Variants in MEGF6 observed in about 807,000 individuals in gnomAD.
MEGF6 encodes multiple epidermal growth factor-like domains protein 6.
MEGF6 carries 184 observed loss-of-function variants against 207.1 expected under a neutral mutation model. The observed-to-expected ratio is 0.89, with a 90% CI of 0.79 to 1.00. The LOEUF is 1.00. Among genes scored for constraint, MEGF6 ranks in the 50% least tolerant of loss-of-function variants. The probability of loss-of-function intolerance (pLI) is 0.00; values close to 1 mark genes in which losing one functional copy is unlikely to be tolerated. For missense variants in MEGF6, 2,282 were observed against 2,202.9 expected (o/e 1.04, Z -0.72); for synonymous variants, 1,038 against 910.0 (o/e 1.14, Z -2.53).
intron 5 of MEGF6, among the ~76,000 whole-genome samples, chr1:3,521,718 C>T (rs182090251): frequency 1.9e-3 from 290 of 152,288 alleles, no homozygotes; most frequent in African/African-American, 6.7e-3. Context: ...TGGAAACTCC[C>T]GGGAGACCGA....
chr1:3,496,118 C>T (rs1640595099), intron 29 of MEGF6, 100 bp from the exon 30 acceptor site: 2 of 1,415,044 alleles, frequency 1.4e-6, no homozygotes, highest in African/African-American at 1.5e-5. Flanking sequence ...GGTGAGGGGA[C>T]CCTGGGTCTG....
intron 4 of MEGF6, among the ~76,000 whole-genome samples, chr1:3,578,034 G>A (rs1643690675): frequency 6.6e-6 from 1 of 152,232 alleles, no homozygotes; most frequent in Non-Finnish European, 1.5e-5. Flanking sequence ...ACAAAGATGA[G>A]GTGGGAGGAG....
intron 5 of MEGF6, among the ~76,000 whole-genome samples, chr1:3,522,714 C>A (rs902330878): frequency 6.6e-6 from 1 of 151,950 alleles, no homozygotes; most frequent in East Asian, 1.9e-4. Context: ...TGTCCCAAGG[C>A]CCCCCCACTC....
chr1:3,531,545 G>T, intron 4 of MEGF6: 2 of 1,002,596 alleles, frequency 2.0e-6, no homozygotes, highest in Non-Finnish European at 2.4e-6. Context: ...CTCCCCCAGG[G>T]GGCCGCGCCG....
chr1:3,545,863 C>G (rs780933662), intron 4 of MEGF6, among the ~76,000 whole-genome samples: 1 of 152,254 alleles, frequency 6.6e-6, no homozygotes, highest in South Asian at 2.1e-4. Flanking sequence ...GAGGAGCACA[C>G]AGAATCTGTT....
intron 14 of MEGF6, among the ~76,000 whole-genome samples, chr1:3,506,639 G>T (rs1301135931): frequency 1.3e-5 from 2 of 152,200 alleles, no homozygotes; most frequent in African/African-American, 4.8e-5. Flanking sequence ...CCAAGCCGCA[G>T]GTGGCCCCAG....
intron 34 of MEGF6, chr1:3,493,008 G>A: frequency 3.6e-6 from 2 of 562,098 alleles, no homozygotes; most frequent in Non-Finnish European, 6.3e-6. Context: ...CCAGGCCCCA[G>A]GCACACGTCC....
intron 4 of MEGF6, among the ~76,000 whole-genome samples, chr1:3,543,463 C>T (rs1642595519): frequency 6.6e-6 from 1 of 152,260 alleles, no homozygotes; most frequent in Non-Finnish European, 1.5e-5. Flanking sequence ...GGCAGAGGGA[C>T]AGAGAAAACA....
At chr1:3,581,040 C>T (rs1479444314) in intron 3 of MEGF6, among the ~76,000 whole-genome samples, 2 of 152,142 alleles carry the variant, frequency 1.3e-5, no homozygotes, top group Non-Finnish European at 2.9e-5. Context: ...GTCTAAGCAG[C>T]CCCAGACCAG....
At chr1:3,583,098 G>A (rs564568058) in intron 3 of MEGF6, among the ~76,000 whole-genome samples, 47 of 152,332 alleles carry the variant, frequency 3.1e-4, no homozygotes, top group African/African-American at 1.1e-3. Flanking sequence ...AGGGTGCAAG[G>A]GGACGGAGGA....
At chr1:3,511,108 T>C (rs1251409392) in intron 9 of MEGF6, among the ~76,000 whole-genome samples, 1 of 152,206 alleles carries the variant, frequency 6.6e-6, no homozygotes, top group Admixed American at 6.5e-5. Flanking sequence ...CACATGCACG[T>C]TCCTGGTCCC....
Position 3,492,758 on chromosome 1 carries a change from C to A in MEGF6, c.4397G>T (p.Arg1466Met). 6.2e-7 allele frequency: 1 copy of A among 1,611,556 alleles called. No individual in the cohort carries two copies. Among genetic ancestry groups the A allele is most frequent in the Non-Finnish European group, 8.5e-7 (1 of 1,179,178 alleles). Residue 1466 changes from arginine to methionine, a missense_variant, in exon 35 of 37, where the codon AGG becomes ATG. Physicochemically the swap from Arg to Met is moderately conservative, Grantham distance 91. Coordinates refer to ENST00000356575, the MANE Select transcript of MEGF6 (RefSeq NM_001409.4). ...SGATCNLDCR[R>M]GQFGPSCTLH... ...GGTGCAGCTGGGCCCAAACTGGCCC[C>A]TTCTGCAATCTGCAAGGCGGAGGGG... is the stretch of plus-strand genomic sequence containing the variant.
At chr1:3,494,217 C>T (rs542093521) in intron 32 of MEGF6, 93 bp from the exon 33 acceptor site, 31 of 1,489,924 alleles carry the variant, frequency 2.1e-5, no homozygotes, top group Admixed American at 4.7e-5. Flanking sequence ...TCCAGGGGCC[C>T]GAGAAAAGCC....
At chr1:3,590,326 G>A (rs568103224) in intron 3 of MEGF6, among the ~76,000 whole-genome samples, 1 of 152,186 alleles carries the variant, frequency 6.6e-6, no homozygotes, top group Non-Finnish European at 1.5e-5. Context: ...AACATGGGCA[G>A]GGTCTGGGAA....
At chr1:3,579,364 C>T (rs1348586688) in intron 4 of MEGF6, among the ~76,000 whole-genome samples, 1 of 152,250 alleles carries the variant, frequency 6.6e-6, no homozygotes, top group African/African-American at 2.4e-5. Flanking sequence ...GTCTTCAGGG[C>T]CTGTGCGGGA....
intron 4 of MEGF6, among the ~76,000 whole-genome samples, chr1:3,555,558 C>A (rs986247593): frequency 2.0e-5 from 3 of 152,218 alleles, no homozygotes; most frequent in Non-Finnish European, 4.4e-5. Flanking sequence ...TGGGGTCTGG[C>A]CTGCGGCCCC....
rs964291255 is a variant in MEGF6 at position 3,505,066 on chromosome 1, G to A, written c.2188+142C>T. The A allele has an allele frequency of 7.6e-6, 7 of 918,404 alleles. No homozygotes were observed. The South Asian group carries it at 7.7e-5, about 10-fold the overall frequency. 56.9% of individuals were successfully genotyped at this position (918,404 alleles called of 1,614,324 possible). A position where few individuals can be genotyped will look rare whatever the true frequency, so the allele number is the denominator to read the frequency against. Reference sequence around the variant, plus strand: ...GCAACACCGGTAGCAAGGCAACACCGGTAGCAAGGCACCACCTGGGCTTAG... The same window carrying A: ...GCAACACCGGTAGCAAGGCAACACCAGTAGCAAGGCACCACCTGGGCTTAG... On this transcript the variant is annotated intron_variant, in intron 17 of 36. Transcript: ENST00000356575.
At chr1:3,608,072 G>A (rs1464844722) in intron 1 of MEGF6, among the ~76,000 whole-genome samples, 6 of 152,138 alleles carry the variant, frequency 3.9e-5, no homozygotes, top group South Asian at 2.1e-4. Context: ...GCCCTGGAGG[G>A]CGGGGCTCGC....
At chr1:3,501,352 G>A in intron 18 of MEGF6, 44 bp from the exon 19 acceptor site, 2 of 1,560,216 alleles carry the variant, frequency 1.3e-6, no homozygotes, top group Non-Finnish European at 8.7e-7. Context: ...AGCTGCCCTT[G>A]CTCAACACAT....
Sources: gnomAD v4.1 joint callset for allele counts (sites outside exome capture counted in the v4.1 genomes callset) on GRCh38, gnomAD v4.1.1 for gene constraint, MANE v1.5 for transcripts, NCBI Gene and HGNC (gene_info 2026-07-23, HGNC 2026-07-21) for gene names.